The following SMC1A variants were observed in gnomAD, a reference collection of about 807,000 sequenced individuals.
SMC1A encodes structural maintenance of chromosomes 1A, also known as structural maintenance of chromosomes protein 1A.
Under a neutral mutation model 94.5 loss-of-function variants are expected in SMC1A, and 4 were observed. That is an observed-to-expected ratio of 0.04 (90% CI 0.02 to 0.10). The LOEUF is 0.10. Among genes scored for constraint, SMC1A ranks in the 10% least tolerant of loss-of-function variants. SMC1A has a pLI of 1.00. For synonymous variants in SMC1A, 345 were observed against 347.7 expected (o/e 0.99, Z 0.09); for missense variants, 304 against 989.0 (o/e 0.31, Z 9.29).
chrX:53,422,128 G>A, intron 1 of SMC1A: 1 of 1,048,276 alleles, frequency 9.5e-7, no homozygotes, highest in South Asian at 2.2e-5. Context: ...AAGTAAGGCT[G>A]GGAAGCCGGC....
chrX:53,415,914 T>G (rs1042358070), intron 1 of SMC1A, among the ~76,000 whole-genome samples: 1 of 109,516 alleles, frequency 9.1e-6, no homozygotes, highest in Non-Finnish European at 1.9e-5. Flanking sequence ...AAATGGTATA[T>G]TCACAGAATG....
rs2075576045 is a variant in SMC1A, at chrX:53,380,051, T to C, written c.*52A>G. 1.1e-6 allele frequency: 1 copy of C among 886,254 alleles called. No homozygotes were observed. The highest frequency in any genetic ancestry group is 3.1e-5 in the East Asian group (1 of 32,295). 73.0% of individuals were successfully genotyped at this position (886,254 alleles called of 1,213,427 possible). A position where few individuals can be genotyped will look rare whatever the true frequency, so the allele number is the denominator to read the frequency against. On this transcript the variant is annotated 3_prime_UTR_variant, in exon 25 of 25. Coordinates refer to ENST00000322213, the MANE Select transcript of SMC1A (RefSeq NM_006306.4). ...GGTTGGGAGTCAAATATCCAGAGAT[T>C]GGGAGAGGGACAGCTTAGGGATCCA...
At chrX:53,410,945 A>AAAAAAAAAAAAAAAAAAC (rs2075709898) in intron 7 of SMC1A, among the ~76,000 whole-genome samples, 4 of 96,433 alleles carry the variant, frequency 4.1e-5, no homozygotes, top group Admixed American at 2.3e-4. Flanking sequence ...AAAAAAAAAA[A>AAAAAAAAAAAAAAAAAAC]GTAGCCAGGC....
chrX:53,381,272 T>C (rs1321325845), intron 22 of SMC1A, among the ~76,000 whole-genome samples, 185 bp from the exon 23 acceptor site: 1 of 111,758 alleles, frequency 8.9e-6, no homozygotes, highest in Non-Finnish European at 1.9e-5. Flanking sequence ...CCCTCCCCTC[T>C]GCAATCAGCC....
chrX:53,396,297 T>C lies in SMC1A; in HGVS notation c.2792A>G (p.Gln931Arg), dbSNP rs782728089. The C allele has an allele frequency of 2.5e-6, 3 of 1,211,079 alleles. No individual in the cohort carries two copies. The Admixed American group carries it at 6.5e-5, about 26-fold the overall frequency. ...QKRSDRHNLL[Q>R]ACKMQDIKLP... The stretch of plus-strand genomic sequence containing the variant: ...CTTAATGTCCTGCATCTTACAGGCC[T>C]GTAGCAAGTTGTGACGGTCACTGCG... Residue 931 changes from glutamine (Q) to arginine (R), a missense_variant, in exon 18 of 25, where the codon CAG (glutamine) becomes CGG (arginine). Coordinates refer to ENST00000322213, the MANE Select transcript of SMC1A (RefSeq NM_006306.4).
rs1199012440 is a variant in SMC1A at position 53,379,809 on chromosome X, G to C, written c.*294C>G. Reference sequence around the variant, plus strand: ...CACACACAGTGGGCAAGAGGCCCAAGGGGCCCACGATTATGGGTGATGAGG... The same window carrying C: ...CACACACAGTGGGCAAGAGGCCCAACGGGCCCACGATTATGGGTGATGAGG... On this transcript the variant is annotated 3_prime_UTR_variant, in exon 25 of 25. Transcript: ENST00000322213. The C allele has an allele frequency of 2.5e-6, 1 of 401,890 alleles. No homozygotes were observed. Among genetic ancestry groups the C allele is most frequent in the Non-Finnish European group, 4.3e-6 (1 of 230,227 alleles). 33.1% of individuals were successfully genotyped at this position (401,890 alleles called of 1,213,427 possible).
chrX:53,387,089 A>G (rs923976303), intron 19 of SMC1A, among the ~76,000 whole-genome samples: 8 of 112,023 alleles, frequency 7.1e-5, no homozygotes, highest in East Asian at 2.8e-4. Context: ...TCTGCCTCCC[A>G]GGTTCACACC....
intron 19 of SMC1A, among the ~76,000 whole-genome samples, chrX:53,391,157 T>TAAAAA (rs1258469477): frequency 9.4e-6 from 1 of 106,108 alleles, no homozygotes; most frequent in Non-Finnish European, 1.9e-5. Flanking sequence ...CTACTAAAAA[T>TAAAAA]AAAAAAAATT....
chrX:53,381,200 G>A (rs2075581590), intron 22 of SMC1A, 113 bp from the exon 23 acceptor site: 1 of 498,208 alleles, frequency 2.0e-6, no homozygotes. Context: ...CACTTCTTCA[G>A]AAACTAAAAA....
In SMC1A at chrX:53,375,219, GACCTTCAAGGTTCA is replaced by G. The variant is rs2146577278; in HGVS notation, c.*4870_*4883del. Reference sequence around the variant, plus strand: ...TCTTGTTTGACCTGTCCAATACATTGACCTTCAAGGTTCAACCTAAGTCCCACCTTCTCCCTGAC... The same window carrying G: ...TCTTGTTTGACCTGTCCAATACATTGACCTAAGTCCCACCTTCTCCCTGAC... On this transcript the variant is annotated 3_prime_UTR_variant, in exon 25 of 25. Coordinates refer to ENST00000322213, the MANE Select transcript of SMC1A (RefSeq NM_006306.4). 8.9e-6 allele frequency: 1 copy of G among 112,238 alleles called. No homozygotes were observed. The highest frequency in any genetic ancestry group is 3.2e-5 in the African/African-American group (1 of 30,913). 9.2% of individuals were successfully genotyped at this position (112,238 alleles called of 1,213,427 possible).
In SMC1A at chrX:53,380,127, G is replaced by A. The variant is rs1556885700; in HGVS notation, c.3678C>T (p.Ala1226=). ...LTFDLTKYPD[A]NPNPNEQ ...GCTACTGCTCATTGGGGTTGGGGTT[G>A]GCATCTGGGTACTTGGTGAGGTCGA... The change falls in exon 25 of 25, where the codon GCC becomes GCT. Residue 1226 remains alanine (A), a synonymous_variant. Transcript: ENST00000322213. 1 of 1,208,067 alleles carries A rather than the reference G, an allele frequency of 8.3e-7. No individual in the cohort carries two copies. Among genetic ancestry groups the A allele is most frequent in the Admixed American group, 2.2e-5 (1 of 45,958 alleles).
intron 9 of SMC1A, among the ~76,000 whole-genome samples, chrX:53,406,988 G>A (rs368707424): frequency 1.8e-5 from 2 of 112,092 alleles, no homozygotes; most frequent in East Asian, 2.8e-4. Flanking sequence ...GTGAGCTACC[G>A]CTCCCAGCAT....
intron 19 of SMC1A, among the ~76,000 whole-genome samples, chrX:53,383,706 T>A (rs186423882): frequency 8.9e-6 from 1 of 112,533 alleles, no homozygotes; most frequent in Admixed American, 9.4e-5. Context: ...CCATTAGAGT[T>A]TAGTTTTAGT....
At chrX:53,412,847 A>C in intron 5 of SMC1A, 53 bp downstream of exon 5, 1 of 1,210,184 alleles carries the variant, frequency 8.3e-7, no homozygotes, top group Non-Finnish European at 1.1e-6. Flanking sequence ...ACCCTAATAA[A>C]CAGCACGGCC....
intron 19 of SMC1A, 25 bp from the exon 20 acceptor site, chrX:53,383,278 T>C: frequency 8.6e-7 from 1 of 1,162,227 alleles, no homozygotes; most frequent in Non-Finnish European, 1.1e-6. Context: ...CCCAGCAATG[T>C]CAAGAAGGGC....
chrX:53,382,703 G>C, intron 20 of SMC1A, 43 bp from the exon 21 acceptor site: 2 of 1,197,195 alleles, frequency 1.7e-6, no homozygotes, highest in Non-Finnish European at 2.3e-6. Context: ...GCCCTGGCAA[G>C]AAGGACCTGC....
chrX:53,419,699 C>A (rs868922005), intron 1 of SMC1A, among the ~76,000 whole-genome samples: 25 of 109,046 alleles, frequency 2.3e-4, no homozygotes, highest in African/African-American at 8.4e-4. Context: ...TGGTGCACGC[C>A]TGTAATCCCA....
chrX:53,391,899 T>C (rs923560961), intron 19 of SMC1A, among the ~76,000 whole-genome samples: 1 of 110,512 alleles, frequency 9.0e-6, no homozygotes, highest in Admixed American at 9.7e-5. Flanking sequence ...TTTAGCAGCA[T>C]CCCTGGTGTC....
At position 53,412,859 on chromosome X, in the gene SMC1A, C is replaced by T. The variant is rs374410615; in HGVS notation, c.854+41G>A. 109 of 1,209,470 alleles carry T rather than the reference C, an allele frequency of 9.0e-5. No individual in the cohort carries two copies. In the African/African-American group the frequency reaches 1.8e-3, roughly 20 times the overall value. On this transcript the variant is annotated intron_variant, in intron 5 of 24. Coordinates refer to ENST00000322213, the MANE Select transcript of SMC1A (RefSeq NM_006306.4). ...GGAACCCTAATAAACAGCACGGCCTCTTGGTTTCCCACAAGTTGCAGGCCC... is the reference window on the plus strand; with the variant it reads ...GGAACCCTAATAAACAGCACGGCCTTTTGGTTTCCCACAAGTTGCAGGCCC...
Sources: gnomAD v4.1 joint callset for allele counts (sites outside exome capture counted in the v4.1 genomes callset) on GRCh38, gnomAD v4.1.1 for gene constraint, MANE v1.5 for transcripts, NCBI Gene and HGNC (gene_info 2026-07-23, HGNC 2026-07-21) for gene names.